SMCO2: variants seen among roughly 807,000 people sequenced by gnomAD.
The protein encoded by SMCO2 is single-pass membrane protein with coiled-coil domains 2, also known as single-pass membrane and coiled-coil domain-containing protein 2.
In SMCO2, 25 loss-of-function variants were observed where a neutral mutation model predicts 29.5. The ratio of observed to expected loss-of-function variants is 0.85; its 90% CI spans 0.62 to 1.18. The LOEUF (loss-of-function observed/expected upper bound fraction) is 1.18. Ranked by LOEUF, SMCO2 falls within the 50% of genes most tolerant of loss-of-function variation. The pLI is 0.00. For synonymous variants in SMCO2, 117 were observed against 123.3 expected (o/e 0.95, Z 0.34); for missense variants, 348 against 344.5 (o/e 1.01, Z -0.08).
At position 27,477,634 on chromosome 12, in the gene SMCO2, CT is replaced by C. The variant is rs3051833; in HGVS notation, c.362+2737del. 2.7e-3 allele frequency among the ~76,000 whole-genome samples: 299 copies of C among 109,634 alleles called. 1 individual carries two copies. Among genetic ancestry groups the C allele is most frequent in the Middle Eastern group, 5.4e-3 (1 of 184 alleles). The allele number at this position is 109,634 out of a possible 152,430, so 71.9% of individuals were successfully genotyped here. Reference sequence around the variant, plus strand: ...AGGGCTTTCTTCATTCTTTTTCATTCTTTTTTTTTTTTTTTTGGCTGATTGG... The same window carrying C: ...AGGGCTTTCTTCATTCTTTTTCATTCTTTTTTTTTTTTTTTGGCTGATTGG... On this transcript the variant is annotated intron_variant, in intron 4 of 7. Coordinates refer to ENST00000298876, the Ensembl canonical transcript of SMCO2.
At chr12:27,465,028 C>CAAAAAA (rs35630976), upstream of SMCO2, among the ~76,000 whole-genome samples, 7 of 60,538 alleles carry the variant, frequency 1.2e-4, no homozygotes, top group African/African-American at 2.4e-4. Flanking sequence ...GACCCTGTCT[C>CAAAAAA]AAAAAAAAAA....
At chr12:27,444,950 T>C in the SMCO2 span, among the ~76,000 whole-genome samples, 1 of 152,126 alleles carries the variant, frequency 6.6e-6, no homozygotes, top group East Asian at 1.9e-4. Context: ...TGCCCATCAA[T>C]GGATGAATGG....
At chr12:27,470,476 G>T in intron 1 of SMCO2, 146 bp from the exon 2 acceptor site, 2 of 817,532 alleles carry the variant, frequency 2.4e-6, no homozygotes, top group Non-Finnish European at 3.6e-6. Flanking sequence ...AGCTTGTTTT[G>T]GGGTCCTTTA....
intron 4 of SMCO2, among the ~76,000 whole-genome samples, chr12:27,485,245 T>C (rs943284342): frequency 6.6e-6 from 1 of 151,952 alleles, no homozygotes; most frequent in African/African-American, 2.4e-5. Flanking sequence ...TCCCCTCCAG[T>C]GTATTTTTCA....
At chr12:27,479,975 T>C (rs1949627550) in intron 4 of SMCO2, among the ~76,000 whole-genome samples, 1 of 152,132 alleles carries the variant, frequency 6.6e-6, no homozygotes. Context: ...GAGAAGCCAG[T>C]AGCATGGCTC....
At chr12:27,483,488 G>T (rs1270204112) in intron 4 of SMCO2, among the ~76,000 whole-genome samples, 3 of 151,998 alleles carry the variant, frequency 2.0e-5, no homozygotes, top group African/African-American at 7.2e-5. Context: ...TGTGATCATA[G>T]TTCACTGCAG....
At chr12:27,501,167 A>C (rs1307315406) in intron 7 of SMCO2, among the ~76,000 whole-genome samples, 5 of 150,428 alleles carry the variant, frequency 3.3e-5, no homozygotes, top group Non-Finnish European at 7.4e-5. Flanking sequence ...CTGTAATCCC[A>C]GCACTTTGGG....
At chr12:27,448,093 C>T in the SMCO2 span, among the ~76,000 whole-genome samples, 2 of 152,192 alleles carry the variant, frequency 1.3e-5, no homozygotes, top group Non-Finnish European at 2.9e-5. Context: ...CAATTAAATA[C>T]ATGTTTTTAG....
At chr12:27,463,545 G>A (rs1463290001), upstream of SMCO2, among the ~76,000 whole-genome samples, 3 of 152,180 alleles carry the variant, frequency 2.0e-5, no homozygotes, top group African/African-American at 7.2e-5. Context: ...GGGATTACAG[G>A]TGTGAGCCAC....
chr12:27,481,902 G>C (rs1391835448), intron 4 of SMCO2, among the ~76,000 whole-genome samples: 2 of 151,720 alleles, frequency 1.3e-5, no homozygotes, highest in Non-Finnish European at 2.9e-5. Flanking sequence ...TATCAGTCTG[G>C]ATAGAGATCT....
the SMCO2 span, among the ~76,000 whole-genome samples, chr12:27,427,730 G>A: frequency 6.6e-6 from 1 of 152,096 alleles, no homozygotes; most frequent in Non-Finnish European, 1.5e-5. Context: ...ATTGGTGTAG[G>A]TACTGCAACC....
At chr12:27,453,472 C>T in the SMCO2 span, among the ~76,000 whole-genome samples, 1 of 152,230 alleles carries the variant, frequency 6.6e-6, no homozygotes, top group African/African-American at 2.4e-5. Context: ...AAAACTGTCA[C>T]ATATGCTCAG....
the SMCO2 span, among the ~76,000 whole-genome samples, chr12:27,437,782 G>A: frequency 6.6e-6 from 1 of 152,204 alleles, no homozygotes; most frequent in Non-Finnish European, 1.5e-5. Flanking sequence ...ATATGGAAGA[G>A]AGCTCCTTTT....
intron 5 of SMCO2, among the ~76,000 whole-genome samples, chr12:27,491,772 C>T (rs983339272): frequency 4.0e-5 from 6 of 150,864 alleles, no homozygotes; most frequent in Non-Finnish European, 5.9e-5. Context: ...GGCGCTATCT[C>T]GGCTCACTGC....
the SMCO2 span, among the ~76,000 whole-genome samples, chr12:27,426,116 C>T: frequency 6.6e-6 from 1 of 152,178 alleles, no homozygotes; most frequent in Admixed American, 6.5e-5. Context: ...ACACACTGGA[C>T]TCTCCTCTTC....
chr12:27,431,538 A>G, the SMCO2 span, among the ~76,000 whole-genome samples: 2 of 152,176 alleles, frequency 1.3e-5, no homozygotes, highest in Non-Finnish European at 2.9e-5. Context: ...TTCTCTTAGC[A>G]TCATAGCCTC....
At chr12:27,471,937 C>T (rs1384084002) in intron 2 of SMCO2, among the ~76,000 whole-genome samples, 2 of 152,038 alleles carry the variant, frequency 1.3e-5, no homozygotes, top group African/African-American at 2.4e-5. Flanking sequence ...TCGGGTTTTC[C>T]AATAGATATG....
the SMCO2 span, among the ~76,000 whole-genome samples, chr12:27,432,278 T>A: frequency 6.6e-6 from 1 of 152,244 alleles, no homozygotes; most frequent in Non-Finnish European, 1.5e-5. Context: ...CAGTCCTACT[T>A]GTCTATTTTT....
Position 27,475,718 on chromosome 12 carries a change from AAC to A in SMCO2, c.362+809_362+810del, listed in dbSNP as rs774701786. On this transcript the variant is annotated intron_variant, in intron 4 of 7. Transcript: ENST00000298876. ...TATTAAAAAAATAAATGTAACAGAA[AAC>A]ACAGTGAAGAGGTAATTGTAGGGTG... 7 of 1,547,372 alleles carry A rather than the reference AAC, an allele frequency of 4.5e-6. No homozygotes were observed. In the South Asian group the frequency reaches 6.0e-5, roughly 13 times the overall value.
Sources: allele counts gnomAD v4.1 joint callset (sites outside exome capture counted in the v4.1 genomes callset), GRCh38; gene constraint gnomAD v4.1.1; transcripts MANE v1.5; gene names NCBI Gene and HGNC (gene_info 2026-07-23, HGNC 2026-07-21).